The following GLIS3 variants were observed in gnomAD, a reference collection of about 807,000 sequenced individuals.
GLIS3 encodes zinc finger protein GLIS3.
Under a neutral mutation model 78.6 loss-of-function variants are expected in GLIS3, and 53 were observed. The observed-to-expected ratio is 0.67, with a 90% CI of 0.54 to 0.85. GLIS3 has a LOEUF of 0.85. Ranked by LOEUF, GLIS3 falls within the 40% of genes least tolerant of loss-of-function variation. The probability of loss-of-function intolerance (pLI) is 0.00; values close to 1 mark genes in which losing one functional copy is unlikely to be tolerated. For synonymous variants in GLIS3, 684 were observed against 509.9 expected, an observed-to-expected ratio of 1.34 and a Z score of -4.60; for missense variants, 1,703 against 1,231.1, an observed-to-expected ratio of 1.38 and a Z score of -5.74.
At chr9:4,481,950 T>C in the GLIS3 span, among the ~76,000 whole-genome samples, 1 of 152,240 alleles carries the variant, frequency 6.6e-6, no homozygotes, top group Non-Finnish European at 1.5e-5. Flanking sequence ...TTTGCAATTG[T>C]AAATTTTAAA....
chr9:4,121,576 T>C (rs546864107), intron 3 of GLIS3, among the ~76,000 whole-genome samples: 2 of 152,102 alleles, frequency 1.3e-5, no homozygotes, highest in African/African-American at 2.4e-5. Flanking sequence ...AAATAACTTC[T>C]ATTTTACAAA....
chr9:4,180,149 G>C (rs995874781), intron 2 of GLIS3, among the ~76,000 whole-genome samples: 9 of 152,088 alleles, frequency 5.9e-5, no homozygotes, highest in Non-Finnish European at 1.0e-4. Flanking sequence ...GAGGTCCTAG[G>C]ATAGAGAACA....
At chr9:4,109,518 A>G (rs994731894) in intron 4 of GLIS3, among the ~76,000 whole-genome samples, 4 of 152,194 alleles carry the variant, frequency 2.6e-5, no homozygotes, top group African/African-American at 9.7e-5. Context: ...CTGCCAAGAG[A>G]TATGTTTTAA....
chr9:4,346,338 A>G (rs969644710), intron 2 of GLIS3, among the ~76,000 whole-genome samples: 1 of 152,158 alleles, frequency 6.6e-6, no homozygotes, highest in Non-Finnish European at 1.5e-5. Context: ...ATACATACAA[A>G]GCTTCATTTG....
intron 2 of GLIS3, among the ~76,000 whole-genome samples, chr9:4,175,708 A>G (rs1319585816): frequency 6.6e-6 from 1 of 152,198 alleles, no homozygotes; most frequent in Non-Finnish European, 1.5e-5. Context: ...TCCCCCATAC[A>G]TAACCACCAT....
At chr9:4,447,209 G>T in the GLIS3 span, among the ~76,000 whole-genome samples, 1 of 151,930 alleles carries the variant, frequency 6.6e-6, no homozygotes, top group Admixed American at 6.6e-5. Context: ...CACCATGCCT[G>T]GCTAATTATT....
At chr9:4,309,899 G>C (rs1287592900) in intron 3 of GLIS3, among the ~76,000 whole-genome samples, 1 of 152,054 alleles carries the variant, frequency 6.6e-6, no homozygotes, top group African/African-American at 2.4e-5. Context: ...CACAAATTTG[G>C]CGGCCAAAAG....
the GLIS3 span, among the ~76,000 whole-genome samples, chr9:4,406,184 C>T: frequency 1.3e-5 from 2 of 152,050 alleles, no homozygotes; most frequent in Non-Finnish European, 2.9e-5. Context: ...TGCCCACTTT[C>T]GTCACAATTA....
chr9:4,152,902 C>G (rs1834786478), intron 2 of GLIS3, among the ~76,000 whole-genome samples: 1 of 152,154 alleles, frequency 6.6e-6, no homozygotes, highest in Admixed American at 6.5e-5. Flanking sequence ...GAGAAAGCAA[C>G]ATATAATAAG....
chr9:4,116,419 T>C (rs1831643009), intron 4 of GLIS3, among the ~76,000 whole-genome samples: 1 of 152,232 alleles, frequency 6.6e-6, no homozygotes, highest in Admixed American at 6.5e-5. Flanking sequence ...AACCTGGCAT[T>C]CTCGCAATGT....
At chr9:4,458,296 C>A in the GLIS3 span, among the ~76,000 whole-genome samples, 1 of 152,196 alleles carries the variant, frequency 6.6e-6, no homozygotes, top group African/African-American at 2.4e-5. Flanking sequence ...GTTCTAGGCA[C>A]TGGGGACACA....
At chr9:4,415,353 C>T in the GLIS3 span, among the ~76,000 whole-genome samples, 1 of 152,172 alleles carries the variant, frequency 6.6e-6, no homozygotes, top group Non-Finnish European at 1.5e-5. Flanking sequence ...ATTATTTTTC[C>T]AAATGCTCAT....
At chr9:4,402,650 G>C in the GLIS3 span, among the ~76,000 whole-genome samples, 4 of 152,134 alleles carry the variant, frequency 2.6e-5, no homozygotes, top group Non-Finnish European at 4.4e-5. Context: ...GAAGCAAGCA[G>C]CAATTCTAGA....
At chr9:4,303,286 C>CACAG (rs1817140901), upstream of GLIS3, among the ~76,000 whole-genome samples, 1 of 147,346 alleles carries the variant, frequency 6.8e-6, no homozygotes, top group South Asian at 2.1e-4. Flanking sequence ...CACACACACA[C>CACAG]ACACGAGCTG....
chr9:4,050,516 C>T (rs1013273771), intron 4 of GLIS3, among the ~76,000 whole-genome samples: 1 of 152,048 alleles, frequency 6.6e-6, no homozygotes, highest in African/African-American at 2.4e-5. Context: ...TTGATGGGTG[C>T]AGCAAGCCAA....
At chr9:4,045,924 T>C (rs938884466) in intron 4 of GLIS3, among the ~76,000 whole-genome samples, 3 of 152,122 alleles carry the variant, frequency 2.0e-5, no homozygotes, top group African/African-American at 4.8e-5. Context: ...AAAAATTATA[T>C]AGAGGTCGGT....
At chr9:4,362,481 G>C in the GLIS3 span, among the ~76,000 whole-genome samples, 1 of 152,088 alleles carries the variant, frequency 6.6e-6, no homozygotes, top group Non-Finnish European at 1.5e-5. Context: ...TTTCCATCTC[G>C]GCATGGGGCC....
intron 2 of GLIS3, among the ~76,000 whole-genome samples, chr9:4,322,245 A>C (rs1044067998): frequency 6.6e-6 from 1 of 152,188 alleles, no homozygotes; most frequent in Non-Finnish European, 1.5e-5. Flanking sequence ...TCCATGGTGT[A>C]TATGTGCCAC....
chr9:4,325,039 T>G (rs577255212), intron 2 of GLIS3, among the ~76,000 whole-genome samples: 1 of 152,126 alleles, frequency 6.6e-6, no homozygotes, highest in South Asian at 2.1e-4. Context: ...CACAGTTAAT[T>G]GCTGAGACCA....
Sources: gnomAD v4.1 joint callset for allele counts (sites outside exome capture counted in the v4.1 genomes callset) on GRCh38, gnomAD v4.1.1 for gene constraint, MANE v1.5 for transcripts, NCBI Gene and HGNC (gene_info 2026-07-23, HGNC 2026-07-21) for gene names.